The following EVI5L variants were observed in gnomAD, a reference collection of about 807,000 sequenced individuals.
The protein encoded by EVI5L is ecotropic viral integration site 5 like.
A neutral mutation model predicts 106.1 loss-of-function variants in EVI5L; 30 were observed. The ratio of observed to expected loss-of-function variants is 0.28; its 90% CI spans 0.21 to 0.38. The LOEUF (loss-of-function observed/expected upper bound fraction) is 0.38. EVI5L is among the 10% of genes least tolerant of loss of function. The pLI, the probability that EVI5L is intolerant of heterozygous loss-of-function variation, is 1.00. For missense variants in EVI5L, 809 were observed against 1,098.0 expected (o/e 0.74, Z 3.72); for synonymous variants, 489 against 483.3 (o/e 1.01, Z -0.15).
rs1979907588 is a variant in EVI5L at position 7,862,868 on chromosome 19, C to A, written c.1948-104C>A. 1.1e-5 allele frequency: 9 copies of A among 785,174 alleles called. No homozygotes were observed. The East Asian group carries it at 2.9e-4, about 25-fold the overall frequency. The allele number at this position is 785,174 out of a possible 1,614,324, so 48.6% of individuals were successfully genotyped here. A position where few individuals can be genotyped will look rare whatever the true frequency, so the allele number is the denominator to read the frequency against. On this transcript the variant is annotated intron_variant, in intron 17 of 19. Transcript: ENST00000538904. ...GCGGTCCTGCCTCCTGACCCGCCTC[C>A]GCCCGCGGCCCCGCCTCCTCATTCG... is the stretch of plus-strand genomic sequence containing the variant.
chr19:7,831,226 A>AACACACAC (rs4045095), intron 1 of EVI5L, among the ~76,000 whole-genome samples: 23 of 130,466 alleles, frequency 1.8e-4, no homozygotes, highest in Non-Finnish European at 3.1e-4. Flanking sequence ...GAAAACCCCA[A>AACACACAC]ACACACACAC....
intron 10 of EVI5L, 127 bp downstream of exon 10, chr19:7,853,460 C>A (rs529668279): frequency 6.9e-6 from 9 of 1,301,106 alleles, no homozygotes; most frequent in South Asian, 4.0e-5. Context: ...CGGTCCTTGG[C>A]GGACAGGCCT....
intron 1 of EVI5L, among the ~76,000 whole-genome samples, chr19:7,831,100 G>C (rs188946397): frequency 6.6e-6 from 1 of 150,928 alleles, no homozygotes; most frequent in Non-Finnish European, 1.5e-5. Flanking sequence ...TAGCTCCACT[G>C]ATCCTGCCCC....
intron 1 of EVI5L, among the ~76,000 whole-genome samples, chr19:7,833,535 G>A (rs997607029): frequency 6.6e-6 from 1 of 152,248 alleles, no homozygotes; most frequent in Non-Finnish European, 1.5e-5. Flanking sequence ...ATGCATCCCT[G>A]GGGTGTTGGG....
chr19:7,841,761 G>C (rs1347167700), intron 1 of EVI5L, among the ~76,000 whole-genome samples: 1 of 152,252 alleles, frequency 6.6e-6, no homozygotes, highest in African/African-American at 2.4e-5. Context: ...TGCCCATCCA[G>C]CATAGGGAGA....
intron 13 of EVI5L, 150 bp from the exon 14 acceptor site, chr19:7,860,411 G>A: frequency 1.7e-6 from 1 of 604,692 alleles, no homozygotes; most frequent in Admixed American, 3.2e-5. Flanking sequence ...TAGGCCCTGA[G>A]CATCAGGGGG....
rs1271116376 is a variant in EVI5L at position 7,856,168 on chromosome 19, C to T, written c.1200+100C>T. Reference sequence around the variant, plus strand: ...TGGGGTGGACTCCTCCAAGTCTTCTCCTCTCTGGAGGACTAAGCAGCCCTA... The same window carrying T: ...TGGGGTGGACTCCTCCAAGTCTTCTTCTCTCTGGAGGACTAAGCAGCCCTA... On this transcript the variant is annotated intron_variant, in intron 11 of 19. Transcript: ENST00000538904. The surrounding 1 kb of genome is among the most constrained non-coding windows in gnomAD (Gnocchi z 6.6). 16 of 1,172,826 alleles carry T rather than the reference C, an allele frequency of 1.4e-5. No homozygotes were observed. The highest frequency in any genetic ancestry group is 1.7e-5 in the Non-Finnish European group (15 of 902,132). The allele number at this position is 1,172,826 out of a possible 1,614,324, so 72.7% of individuals were successfully genotyped here.
intron 1 of EVI5L, among the ~76,000 whole-genome samples, chr19:7,836,817 A>C (rs990342286): frequency 6.6e-6 from 1 of 151,716 alleles, no homozygotes; most frequent in Non-Finnish European, 1.5e-5. Context: ...TTTTTAATAG[A>C]GACAGGGTTT....
At position 7,838,268 on chromosome 19, in the gene EVI5L, C is replaced by T. The variant is rs1004429003; in HGVS notation, c.-48+7887C>T. Among the ~76,000 whole-genome samples the T allele has an allele frequency of 2.6e-5, 4 of 152,030 alleles. No homozygotes were observed. The East Asian group carries it at 7.7e-4, about 29-fold the overall frequency. ...AGATTACAGGCATGTGCCACCACGC[C>T]CAGCAAATTTTTTTGTATCTTTAGT... On this transcript the variant is annotated intron_variant, in intron 1 of 19. Transcript: ENST00000538904.
chr19:7,844,275 T>A (rs1978848751), intron 1 of EVI5L, among the ~76,000 whole-genome samples: 2 of 146,230 alleles, frequency 1.4e-5, no homozygotes, highest in Admixed American at 7.0e-5. Flanking sequence ...GAGGTTGCAG[T>A]GAGCCAAGAT....
At chr19:7,833,832 A>C (rs984613359) in intron 1 of EVI5L, among the ~76,000 whole-genome samples, 1 of 152,192 alleles carries the variant, frequency 6.6e-6, no homozygotes, top group Non-Finnish European at 1.5e-5. Flanking sequence ...CCCAGGGAAG[A>C]CTGCAGCACA....
intron 1 of EVI5L, among the ~76,000 whole-genome samples, chr19:7,836,468 T>G (rs980482364): frequency 1.3e-5 from 2 of 152,178 alleles, no homozygotes; most frequent in Non-Finnish European, 2.9e-5. Context: ...CAGACAGAGC[T>G]GCAGCACAGC....
chr19:7,849,461 C>T, intron 5 of EVI5L, 131 bp downstream of exon 5: 1 of 998,762 alleles, frequency 1.0e-6, no homozygotes. Context: ...CTTCTCCATC[C>T]ACACCCGTGA....
chr19:7,850,614 G>GAC lies in EVI5L; in HGVS notation c.753+507_753+508dup, dbSNP rs141254631. 1.3e-4 allele frequency among the ~76,000 whole-genome samples: 19 copies of GAC among 151,798 alleles called. No individual in the cohort carries two copies. The East Asian group carries it at 1.4e-3, about 11-fold the overall frequency. On this transcript the variant is annotated intron_variant, in intron 6 of 19. Transcript: ENST00000538904. This position sits in a 1 kb window ranked among gnomAD's most constrained non-coding sequence, Gnocchi z 5.4. ...ACCCGCATGCATACACACACACGCA[G>GAC]ACACACACACACACACCGGCCCGCC... is the stretch of plus-strand genomic sequence containing the variant.
rs534023255 is a variant in EVI5L, at chr19:7,855,586, C to T, written c.1147-429C>T. 2.6e-5 allele frequency among the ~76,000 whole-genome samples: 4 copies of T among 152,284 alleles called. No homozygotes were observed. In the East Asian group the frequency reaches 7.7e-4, roughly 29 times the overall value. The stretch of plus-strand genomic sequence containing the variant: ...GGACCCAGACTCAAAGAGGAGCCTG[C>T]CCCCGGAATTGAACCCGGGTGCTTG... On this transcript the variant is annotated intron_variant, in intron 10 of 19. Transcript: ENST00000538904.
chr19:7,847,224 G>A (rs756871783), intron 2 of EVI5L, among the ~76,000 whole-genome samples: 22 of 152,014 alleles, frequency 1.4e-4, no homozygotes, highest in Non-Finnish European at 1.9e-4. Flanking sequence ...CCCGGGAGGC[G>A]GACGCTGCAG....
chr19:7,860,835 C>G, intron 14 of EVI5L, 146 bp downstream of exon 14: 1 of 992,490 alleles, frequency 1.0e-6, no homozygotes, highest in African/African-American at 1.7e-5. Context: ...CAGCACAACC[C>G]CACGCGGGGC....
intron 1 of EVI5L, among the ~76,000 whole-genome samples, chr19:7,843,732 G>C (rs115546634): frequency 2.2e-4 from 33 of 152,130 alleles, no homozygotes; most frequent in African/African-American, 7.7e-4. Flanking sequence ...GCATGTGTAT[G>C]TGTGAGAGTT....
At position 7,864,870 on chromosome 19, in the gene EVI5L, G is replaced by A. The variant is rs1487013044; in HGVS notation, c.*1168G>A. On this transcript the variant is annotated 3_prime_UTR_variant, in exon 20 of 20. Coordinates refer to ENST00000538904, the MANE Select transcript of EVI5L (RefSeq NM_001159944.3). The surrounding 1 kb of genome is among the most constrained non-coding windows in gnomAD (Gnocchi z 4.5). The stretch of plus-strand genomic sequence containing the variant: ...CCTGGGGACCGGGGCAGGCACCCAC[G>A]GGGCTCTCCACACGCCCCCTACACT... The A allele has an allele frequency of 1.3e-5, 2 of 151,970 alleles. No homozygotes were observed. The highest frequency in any genetic ancestry group is 2.9e-5 in the Non-Finnish European group (2 of 67,872). The allele number at this position is 151,970 out of a possible 1,614,324, so 9.4% of individuals were successfully genotyped here.
Sources: allele counts gnomAD v4.1 joint callset (sites outside exome capture counted in the v4.1 genomes callset), GRCh38; gene constraint gnomAD v4.1.1; non-coding constraint Gnocchi (gnomAD v3.1); transcripts MANE v1.5; gene names NCBI Gene and HGNC (gene_info 2026-07-23, HGNC 2026-07-21).